ARHGAP28: variants seen among roughly 807,000 people sequenced by gnomAD.
ARHGAP28 encodes Rho GTPase activating protein 28.
A neutral mutation model predicts 90.7 loss-of-function variants in ARHGAP28; 56 were observed. The ratio of observed to expected loss-of-function variants is 0.62; its 90% CI spans 0.50 to 0.77. ARHGAP28 has a LOEUF of 0.77. Ranked by LOEUF, ARHGAP28 falls within the 30% of genes least tolerant of loss-of-function variation. The pLI, the probability that ARHGAP28 is intolerant of heterozygous loss-of-function variation, is 0.00. For synonymous variants in ARHGAP28, 308 were observed against 323.3 expected, an observed-to-expected ratio of 0.95 and a Z score of 0.51; for missense variants, 869 against 900.9, an observed-to-expected ratio of 0.96 and a Z score of 0.45.
Position 6,802,608 on chromosome 18 carries a change from A to G in ARHGAP28, c.123-22154A>G, listed in dbSNP as rs145988523. Reference sequence around the variant, plus strand: ...TGATCTTGCCCACCTTGGCCTCCCAAAATGCTAGAATTACAGGCTTTAGCC... The same window carrying G: ...TGATCTTGCCCACCTTGGCCTCCCAGAATGCTAGAATTACAGGCTTTAGCC... On this transcript the variant is annotated intron_variant, in intron 1 of 17. Coordinates refer to ENST00000383472, the MANE Select transcript of ARHGAP28 (RefSeq NM_001366230.1). 3.2e-3 allele frequency among the ~76,000 whole-genome samples: 483 copies of G among 152,046 alleles called. 5 individuals are homozygous for G. The highest frequency in any genetic ancestry group is 3.4e-3 in the Middle Eastern group (1 of 294).
chr18:6,810,513 T>A (rs908994031), intron 1 of ARHGAP28, among the ~76,000 whole-genome samples: 3 of 152,042 alleles, frequency 2.0e-5, no homozygotes, highest in African/African-American at 7.2e-5. Flanking sequence ...CAGGCTGGTC[T>A]CAAACTCTGG....
intron 1 of ARHGAP28, among the ~76,000 whole-genome samples, chr18:6,764,596 C>A (rs1600162961): frequency 6.6e-6 from 1 of 152,302 alleles, no homozygotes; most frequent in South Asian, 2.1e-4. Flanking sequence ...GCCTGCCAGC[C>A]TCCCTGAGGC....
intron 16 of ARHGAP28, chr18:6,898,797 C>T (rs1269232519): frequency 1.3e-5 from 16 of 1,197,080 alleles, no homozygotes; most frequent in Non-Finnish European, 1.6e-5. Flanking sequence ...GAAAACCAAA[C>T]ATCATATGTT....
At chr18:6,878,247 A>G (rs2057148573) in intron 10 of ARHGAP28, among the ~76,000 whole-genome samples, 1 of 151,320 alleles carries the variant, frequency 6.6e-6, no homozygotes, top group South Asian at 2.1e-4. Context: ...TCGCAAGGAC[A>G]AAAAACCAAA....
chr18:6,879,729 G>A (rs1036440952), intron 10 of ARHGAP28, among the ~76,000 whole-genome samples: 1 of 152,232 alleles, frequency 6.6e-6, no homozygotes, highest in African/African-American at 2.4e-5. Context: ...GGGGAGGGGC[G>A]AGCAGCCAGT....
chr18:6,894,495 C>G (rs1600297281), intron 14 of ARHGAP28, among the ~76,000 whole-genome samples: 1 of 152,330 alleles, frequency 6.6e-6, no homozygotes, highest in Non-Finnish European at 1.5e-5. Context: ...GTCCACAAAG[C>G]CAGCACCTTT....
At chr18:6,782,713 G>A (rs1472835441) in intron 1 of ARHGAP28, among the ~76,000 whole-genome samples, 1 of 138,752 alleles carries the variant, frequency 7.2e-6, no homozygotes, top group Non-Finnish European at 1.5e-5. Context: ...GCCTCCCAAA[G>A]TGCTGGGATT....
chr18:6,738,525 T>C (rs2055947747), intron 1 of ARHGAP28, among the ~76,000 whole-genome samples: 1 of 152,202 alleles, frequency 6.6e-6, no homozygotes, highest in African/African-American at 2.4e-5. Flanking sequence ...TATTTACCTT[T>C]ATACAAAGGC....
At chr18:6,804,629 A>T (rs2056505437) in intron 1 of ARHGAP28, among the ~76,000 whole-genome samples, 1 of 152,094 alleles carries the variant, frequency 6.6e-6, no homozygotes, top group African/African-American at 2.4e-5. Flanking sequence ...ATACTTTTAC[A>T]CTTTCTGGTT....
intron 10 of ARHGAP28, among the ~76,000 whole-genome samples, chr18:6,877,380 C>G (rs1189221233): frequency 6.6e-6 from 1 of 152,206 alleles, no homozygotes; most frequent in Non-Finnish European, 1.5e-5. Flanking sequence ...CAGACAATTC[C>G]TAACCATGGA....
chr18:6,832,124 C>A (rs2056721194), intron 2 of ARHGAP28, among the ~76,000 whole-genome samples: 1 of 151,938 alleles, frequency 6.6e-6, no homozygotes, highest in African/African-American at 2.4e-5. Flanking sequence ...GCATTGCTAT[C>A]ACTCCATCCC....
At chr18:6,850,749 ATGATATTCATAAGT>A in intron 3 of ARHGAP28, 2 of 1,445,326 alleles carry the variant, frequency 1.4e-6, no homozygotes, top group Non-Finnish European at 1.8e-6. Flanking sequence ...GAGCAAAATC[ATGATATTCATAAGT>A]TAGGAAAGAA....
chr18:6,874,916 A>G (rs2057119266), intron 9 of ARHGAP28: 2 of 152,250 alleles, frequency 1.3e-5, no homozygotes, highest in South Asian at 4.1e-4. Flanking sequence ...CAACTGAGGG[A>G]TAGAAGAGTG....
At chr18:6,911,113 C>T (rs530345136) in intron 17 of ARHGAP28, among the ~76,000 whole-genome samples, 199 of 152,210 alleles carry the variant, frequency 1.3e-3, no homozygotes, top group African/African-American at 4.5e-3. Context: ...GGATTACAGG[C>T]GTGAGCCACC....
intron 10 of ARHGAP28, 140 bp downstream of exon 10, chr18:6,876,348 G>T: frequency 1.8e-6 from 1 of 565,136 alleles, no homozygotes; most frequent in East Asian, 3.0e-5. Context: ...TGGTACCTGT[G>T]GTAAAATGTT....
At chr18:6,904,697 A>G (rs1034793338) in intron 16 of ARHGAP28, among the ~76,000 whole-genome samples, 1 of 152,214 alleles carries the variant, frequency 6.6e-6, no homozygotes, top group Non-Finnish European at 1.5e-5. Context: ...AAAGACTAAC[A>G]AAGATAAAAG....
intron 1 of ARHGAP28, among the ~76,000 whole-genome samples, chr18:6,803,708 T>C (rs1318742795): frequency 1.3e-5 from 2 of 152,062 alleles, no homozygotes; most frequent in Non-Finnish European, 2.9e-5. Flanking sequence ...GTAGGAATTC[T>C]CTGATGAAGC....
chr18:6,894,927 C>G, intron 15 of ARHGAP28, 36 bp downstream of exon 15: 1 of 1,583,350 alleles, frequency 6.3e-7, no homozygotes, highest in Non-Finnish European at 8.7e-7. Context: ...TCCATTAACT[C>G]CCTATATAGT....
intron 1 of ARHGAP28, among the ~76,000 whole-genome samples, chr18:6,812,774 A>G (rs1160523898): frequency 6.6e-6 from 1 of 152,228 alleles, no homozygotes; most frequent in Non-Finnish European, 1.5e-5. Flanking sequence ...TTCTCCTTTG[A>G]CAGAACTTAC....
Sources: allele counts gnomAD v4.1 joint callset (sites outside exome capture counted in the v4.1 genomes callset), GRCh38; gene constraint gnomAD v4.1.1; transcripts MANE v1.5; gene names NCBI Gene and HGNC (gene_info 2026-07-23, HGNC 2026-07-21).